The following ARID5B variants were observed in gnomAD, a reference collection of about 807,000 sequenced individuals.
ARID5B encodes the protein AT-rich interaction domain 5B.
A neutral mutation model predicts 97.2 loss-of-function variants in ARID5B; 13 were observed. The observed-to-expected ratio is 0.13, with a 90% confidence interval of 0.09 to 0.21. The LOEUF (loss-of-function observed/expected upper bound fraction) is 0.21. Ranked by LOEUF, ARID5B falls within the 10% of genes least tolerant of loss-of-function variation. ARID5B has a pLI of 1.00. For missense variants in ARID5B, 1,210 were observed against 1,465.3 expected (o/e 0.83, Z 2.84); for synonymous variants, 556 against 570.3 (o/e 0.97, Z 0.36).
intron 9 of ARID5B, among the ~76,000 whole-genome samples, chr10:62,089,323 T>A (rs147430423): frequency 6.6e-6 from 1 of 150,564 alleles, no homozygotes; most frequent in African/African-American, 2.4e-5. Flanking sequence ...AATTCAGGGT[T>A]TTTTTTTTAA....
chr10:61,961,946 A>G (rs901273724), intron 3 of ARID5B, among the ~76,000 whole-genome samples: 5 of 152,176 alleles, frequency 3.3e-5, no homozygotes, highest in Admixed American at 6.5e-5. Flanking sequence ...ACAGGGTTTC[A>G]CCGTGTTAGC....
At chr10:62,051,931 A>G (rs756789133) in intron 5 of ARID5B, among the ~76,000 whole-genome samples, 1 of 152,206 alleles carries the variant, frequency 6.6e-6, no homozygotes, top group Non-Finnish European at 1.5e-5. Context: ...TAGAAAAAAA[A>G]AAACATGAGT....
Position 61,983,184 on chromosome 10 carries a change from A to T in ARID5B, c.503-16907A>T, listed in dbSNP as rs867686796. Among the ~76,000 whole-genome samples the T allele has an allele frequency of 7.9e-5, 12 of 152,284 alleles. No individual in the cohort carries two copies. In the South Asian group the frequency reaches 2.3e-3, roughly 29 times the overall value. On this transcript the variant is annotated intron_variant, in intron 3 of 9. Transcript: ENST00000279873. ...GTGTCTCACTCGGCTTGAAGTAAGG[A>T]CCTGAAAGCTTAGCAGCCAATAAAA...
chr10:62,085,529 C>G (rs1378902680), intron 8 of ARID5B, among the ~76,000 whole-genome samples, 173 bp from the exon 9 acceptor site: 1 of 152,074 alleles, frequency 6.6e-6, no homozygotes, highest in Non-Finnish European at 1.5e-5. Context: ...CTGATTTTGA[C>G]CAAGGAAGCA....
chr10:62,090,906 G>A lies in ARID5B; in HGVS notation c.1443G>A (p.Gln481=), dbSNP rs778053310. 6.2e-7 allele frequency: 1 copy of A among 1,600,976 alleles called. No individual in the cohort carries two copies. The highest frequency in any genetic ancestry group is 1.8e-5 in the Admixed American group (1 of 55,590). ...AAGAACAAGAGACTTTAATAAGCCA[G>A]AAAAGCATCCCTGAGCCTCTCCCAG... ...QEKEQETLIS[Q]KSIPEPLPAA... is the part of the protein sequence containing the mutation. The change falls in exon 10 of 10, where the codon CAG becomes CAA. Residue 481 remains glutamine (Q), a synonymous_variant. Coordinates refer to ENST00000279873, the MANE Select transcript of ARID5B (RefSeq NM_032199.3).
intron 3 of ARID5B, among the ~76,000 whole-genome samples, chr10:61,968,465 A>T (rs1838578717): frequency 6.9e-6 from 1 of 144,136 alleles, no homozygotes; most frequent in African/African-American, 2.9e-5. Context: ...CGGCTAATTG[A>T]TACTTAGGTT....
Position 62,058,051 on chromosome 10 carries a change from C to T in ARID5B, c.1048+733C>T, listed in dbSNP as rs532373155. Among the ~76,000 whole-genome samples the T allele has an allele frequency of 1.2e-3, 177 of 152,206 alleles. 1 individual carries two copies. The highest frequency in any genetic ancestry group is 3.4e-3 in the Middle Eastern group (1 of 294). ...ATAGTATTTTCTCCAAATGTATCTTCGTAGATTAAAACCATGTGTCATTTT... is the reference window on the plus strand; with the variant it reads ...ATAGTATTTTCTCCAAATGTATCTTTGTAGATTAAAACCATGTGTCATTTT... On this transcript the variant is annotated intron_variant, in intron 6 of 9. Transcript: ENST00000279873.
chr10:61,940,769 A>G (rs897296717), intron 3 of ARID5B, among the ~76,000 whole-genome samples: 39 of 150,812 alleles, frequency 2.6e-4, no homozygotes. Flanking sequence ...CCATGTCCCA[A>G]TTTCATGTTT....
chr10:62,056,808 A>G (rs1839862356), intron 5 of ARID5B, among the ~76,000 whole-genome samples: 1 of 152,150 alleles, frequency 6.6e-6, no homozygotes, highest in African/African-American at 2.4e-5. Context: ...ATTGGAACAC[A>G]GCCACACCCA....
intron 3 of ARID5B, among the ~76,000 whole-genome samples, chr10:61,986,804 C>G (rs968674284): frequency 2.1e-4 from 32 of 152,146 alleles, no homozygotes; most frequent in African/African-American, 7.7e-4. Flanking sequence ...AAGCAATAAT[C>G]AGACAAGTAC....
chr10:62,041,728 C>T (rs1025780148), intron 4 of ARID5B, among the ~76,000 whole-genome samples: 1 of 152,164 alleles, frequency 6.6e-6, no homozygotes, highest in African/African-American at 2.4e-5. Flanking sequence ...GGAATGTTTT[C>T]TGTAGAGAGG....
At chr10:62,070,039 C>CT (rs35045421) in intron 8 of ARID5B, among the ~76,000 whole-genome samples, 53,395 of 145,710 alleles carry the variant, frequency 0.37, 10,567 homozygotes, top group South Asian at 0.5. Flanking sequence ...CTGACAATGC[C>CT]TTTTTTTTTT....
intron 3 of ARID5B, 132 bp from the exon 4 acceptor site, chr10:61,999,959 T>G: frequency 1.1e-6 from 1 of 877,314 alleles, no homozygotes; most frequent in Non-Finnish European, 1.8e-6. Context: ...GATGCTGGCA[T>G]CCCCCAGACT....
At chr10:61,937,059 C>G (rs1219357975) in intron 2 of ARID5B, among the ~76,000 whole-genome samples, 7 of 152,108 alleles carry the variant, frequency 4.6e-5, no homozygotes, top group Non-Finnish European at 1.5e-5. Flanking sequence ...CACTGAACCT[C>G]ACTGTCCTCA....
intron 9 of ARID5B, among the ~76,000 whole-genome samples, chr10:62,089,470 C>T (rs1158179792): frequency 6.6e-6 from 1 of 151,546 alleles, no homozygotes; most frequent in Non-Finnish European, 1.5e-5. Flanking sequence ...TTCCTGCCTG[C>T]CTGCCTTCCT....
At position 62,034,985 on chromosome 10, in the gene ARID5B, T is replaced by C. The variant is rs188606492; in HGVS notation, c.734-15903T>C. 6.1e-3 allele frequency among the ~76,000 whole-genome samples: 929 copies of C among 152,318 alleles called. 9 individuals are homozygous for C. Among genetic ancestry groups the C allele is most frequent in the Non-Finnish European group, 0.011 (724 of 68,028 alleles). On this transcript the variant is annotated intron_variant, in intron 4 of 9. Transcript: ENST00000279873. ...CTCTCTAGGAGAGCCAGTAGCCCGG[T>C]GGGCTTGAGAGTCTTGGCAAAACAG...
At chr10:61,917,588 T>C (rs2132765929) in intron 2 of ARID5B, among the ~76,000 whole-genome samples, 1 of 152,324 alleles carries the variant, frequency 6.6e-6, no homozygotes, top group East Asian at 1.9e-4. Flanking sequence ...ACACTCTTTG[T>C]GGGCCAAACA....
chr10:62,026,342 G>C (rs1839421039), intron 4 of ARID5B, among the ~76,000 whole-genome samples: 1 of 152,156 alleles, frequency 6.6e-6, no homozygotes, highest in South Asian at 2.1e-4. Flanking sequence ...ATTTATTTAT[G>C]TGTCCAACTG....
chr10:61,934,892 A>G (rs1382719903), intron 2 of ARID5B, among the ~76,000 whole-genome samples: 7 of 151,988 alleles, frequency 4.6e-5, no homozygotes, highest in Non-Finnish European at 8.8e-5. Context: ...ACATGCCTGT[A>G]ATCCCAGCTA....
Sources: gnomAD v4.1 joint callset for allele counts (sites outside exome capture counted in the v4.1 genomes callset) on GRCh38, gnomAD v4.1.1 for gene constraint, MANE v1.5 for transcripts, NCBI Gene and HGNC (gene_info 2026-07-23, HGNC 2026-07-21) for gene names.